DPP10: variants seen among roughly 807,000 people sequenced by gnomAD.
The protein encoded by DPP10 is inactive dipeptidyl peptidase 10.
A neutral mutation model predicts 120.9 loss-of-function variants in DPP10; 33 were observed. The ratio of observed to expected loss-of-function variants is 0.27; its 90% CI spans 0.21 to 0.37. DPP10 has a LOEUF of 0.37. DPP10 is among the 10% of genes least tolerant of loss of function. DPP10 has a pLI of 1.00. For missense variants in DPP10, 816 were observed against 942.8 expected, an observed-to-expected ratio of 0.87 and a Z score of 1.76; for synonymous variants, 337 against 326.1, an observed-to-expected ratio of 1.03 and a Z score of -0.36.
intron 2 of DPP10, among the ~76,000 whole-genome samples, chr2:115,312,295 A>T (rs370729261): frequency 4.6e-5 from 7 of 152,168 alleles, no homozygotes; most frequent in Admixed American, 3.9e-4. Context: ...TAAATTGATC[A>T]AGTGGGCAAG....
intron 5 of DPP10, among the ~76,000 whole-genome samples, chr2:115,551,013 C>A (rs1321442393): frequency 2.6e-5 from 4 of 151,764 alleles, no homozygotes; most frequent in Non-Finnish European, 5.9e-5. Context: ...AATCATATTC[C>A]TTTTTTTTCT....
intron 3 of DPP10, among the ~76,000 whole-genome samples, chr2:115,488,788 C>A (rs1289805874): frequency 3.1e-5 from 4 of 128,572 alleles, no homozygotes; most frequent in Non-Finnish European, 6.4e-5. Context: ...CTAGATGACA[C>A]ATTAGTGGGT....
intron 1 of DPP10, among the ~76,000 whole-genome samples, chr2:115,082,041 T>G (rs1409651951): frequency 1.3e-5 from 2 of 152,208 alleles, no homozygotes; most frequent in Non-Finnish European, 2.9e-5. Context: ...AATGTCTTAT[T>G]GTCTTGTTGT....
chr2:115,556,348 G>A (rs1239444258), intron 5 of DPP10, among the ~76,000 whole-genome samples: 1 of 141,184 alleles, frequency 7.1e-6, no homozygotes, highest in Non-Finnish European at 1.5e-5. Context: ...AACGTTGTGA[G>A]ATTTTTTTTT....
intron 3 of DPP10, among the ~76,000 whole-genome samples, chr2:115,456,032 C>T (rs530586454): frequency 6.6e-6 from 1 of 152,154 alleles, no homozygotes; most frequent in Admixed American, 6.5e-5. Context: ...GAACAGGCAG[C>T]CTACAGAATG....
rs1684512161 is a variant in DPP10 at position 115,796,229 on chromosome 2, T to C, written c.1700+4873T>C. ...AGCCTCCCAGTGCCCTGAGTTTGCC[T>C]GCCCACCTGGAGAAGTTCTCTTAAG... is the stretch of plus-strand genomic sequence containing the variant. On this transcript the variant is annotated intron_variant, in intron 19 of 25. Transcript: ENST00000410059. 2.0e-5 allele frequency among the ~76,000 whole-genome samples: 3 copies of C among 152,210 alleles called. No homozygotes were observed. The South Asian group carries it at 6.2e-4, about 32-fold the overall frequency.
At chr2:114,473,133 C>G (rs904679782) in intron 1 of DPP10, among the ~76,000 whole-genome samples, 1 of 152,182 alleles carries the variant, frequency 6.6e-6, no homozygotes, top group Non-Finnish European at 1.5e-5. Flanking sequence ...AACTAGAAGT[C>G]CTCTGCATCT....
chr2:114,763,735 G>A (rs1272857170), intron 1 of DPP10, among the ~76,000 whole-genome samples: 1 of 152,174 alleles, frequency 6.6e-6, no homozygotes, highest in African/African-American at 2.4e-5. Flanking sequence ...ATTAGAATGG[G>A]GGAGGGAGAA....
chr2:115,807,239 C>CA (rs1466357728), intron 19 of DPP10, among the ~76,000 whole-genome samples: 15 of 152,254 alleles, frequency 9.9e-5, no homozygotes, highest in South Asian at 2.1e-4. Context: ...GGAGATTGTA[C>CA]ATTCCTTCTA....
At chr2:115,126,931 C>CA (rs927992873) in intron 1 of DPP10, among the ~76,000 whole-genome samples, 1 of 152,208 alleles carries the variant, frequency 6.6e-6, no homozygotes, top group Non-Finnish European at 1.5e-5. Flanking sequence ...ACAAAATATA[C>CA]ATTCAATAGC....
At chr2:114,497,180 T>C (rs1466748601) in intron 1 of DPP10, among the ~76,000 whole-genome samples, 1 of 147,658 alleles carries the variant, frequency 6.8e-6, no homozygotes, top group Non-Finnish European at 1.5e-5. Context: ...TATACATGTG[T>C]ACGTGTATAC....
At chr2:114,566,716 G>A (rs2104982642) in intron 1 of DPP10, among the ~76,000 whole-genome samples, 1 of 152,336 alleles carries the variant, frequency 6.6e-6, no homozygotes, top group East Asian at 1.9e-4. Flanking sequence ...CCTTAAGTGA[G>A]TCACACACAG....
chr2:114,444,742 T>A lies in DPP10; in HGVS notation c.60+1904T>A, dbSNP rs1257147250. Among the ~76,000 whole-genome samples the A allele has an allele frequency of 1.3e-5, 2 of 152,180 alleles. 1 individual carries two copies. The highest frequency in any genetic ancestry group is 4.8e-5 in the African/African-American group (2 of 41,452). On this transcript the variant is annotated intron_variant, in intron 1 of 25. Transcript: ENST00000410059. ...TTATATTAATGGCTTAATGAAGGAA[T>A]CTTGAATCAAAGCTCTGGGTAATTT...
At chr2:114,444,209 C>A (rs1677816650) in intron 1 of DPP10, among the ~76,000 whole-genome samples, 1 of 152,088 alleles carries the variant, frequency 6.6e-6, no homozygotes, top group Admixed American at 6.6e-5. Context: ...AAATGTTGAG[C>A]TTTTGGTATA....
chr2:115,161,896 G>C, intron 1 of DPP10: 1 of 1,410,354 alleles, frequency 7.1e-7, no homozygotes, highest in Non-Finnish European at 9.2e-7. Context: ...ACGCTGCCAA[G>C]TGACGGTCCC....
At chr2:115,645,621 CCTT>C (rs1204457901) in intron 5 of DPP10, among the ~76,000 whole-genome samples, 2 of 152,134 alleles carry the variant, frequency 1.3e-5, no homozygotes, top group East Asian at 3.9e-4. Context: ...TGTTATATCC[CCTT>C]CTTCCTTATT....
intron 1 of DPP10, among the ~76,000 whole-genome samples, chr2:115,029,182 T>C (rs1346654258): frequency 6.6e-6 from 1 of 152,078 alleles, no homozygotes; most frequent in Non-Finnish European, 1.5e-5. Context: ...TGTTTTTCTC[T>C]GGTAGCGTGT....
intron 12 of DPP10, among the ~76,000 whole-genome samples, chr2:115,762,959 C>T (rs1680291974): frequency 1.3e-5 from 2 of 152,128 alleles, no homozygotes; most frequent in Non-Finnish European, 1.5e-5. Flanking sequence ...ATTGACCTGA[C>T]CTTTACATAA....
intron 21 of DPP10, among the ~76,000 whole-genome samples, chr2:115,820,776 G>T (rs1687728538): frequency 6.6e-6 from 1 of 150,484 alleles, no homozygotes; most frequent in African/African-American, 2.4e-5. Flanking sequence ...TCCTTTTTAT[G>T]GCTGAGTAGT....
Sources: allele counts gnomAD v4.1 joint callset (sites outside exome capture counted in the v4.1 genomes callset), GRCh38; gene constraint gnomAD v4.1.1; transcripts MANE v1.5; gene names NCBI Gene and HGNC (gene_info 2026-07-23, HGNC 2026-07-21).